The following KCNU1 variants were observed in gnomAD, a reference collection of about 807,000 sequenced individuals.
The protein encoded by KCNU1 is potassium calcium-activated channel subfamily U member 1.
In KCNU1, 93 loss-of-function variants were observed where a neutral mutation model predicts 126.8. The observed-to-expected ratio is 0.73, with a 90% CI of 0.62 to 0.87. The LOEUF (loss-of-function observed/expected upper bound fraction) is 0.87. Among genes scored for constraint, KCNU1 ranks in the 40% least tolerant of loss-of-function variants. The pLI is 0.00. For missense variants in KCNU1, 1,330 were observed against 1,367.1 expected (o/e 0.97, Z 0.43); for synonymous variants, 523 against 494.2 (o/e 1.06, Z -0.77).
chr8:36,931,653 A>C (rs1238699322), intron 25 of KCNU1, among the ~76,000 whole-genome samples: 1 of 152,128 alleles, frequency 6.6e-6, no homozygotes, highest in East Asian at 1.9e-4. Flanking sequence ...AATCAGTGTC[A>C]GAGCAGGGAC....
chr8:36,850,132 T>TG (rs2117284944), intron 18 of KCNU1, among the ~76,000 whole-genome samples: 1 of 152,312 alleles, frequency 6.6e-6, no homozygotes, highest in East Asian at 1.9e-4. Context: ...AATATCTACT[T>TG]AGATCCTATT....
intron 22 of KCNU1, among the ~76,000 whole-genome samples, chr8:36,917,588 T>C (rs1412885392): frequency 6.6e-6 from 1 of 151,984 alleles, no homozygotes; most frequent in Non-Finnish European, 1.5e-5. Flanking sequence ...ACTCCTAGAC[T>C]CAAGCAGTCC....
rs374073634 is a variant in KCNU1, at chr8:36,836,788, A to T, written c.1366-5A>T. The T allele has an allele frequency of 8.3e-5, 134 of 1,613,446 alleles. No individual in the cohort carries two copies. Among genetic ancestry groups the T allele is most frequent in the Non-Finnish European group, 1.5e-5 (18 of 1,179,594 alleles). Reference sequence around the variant, plus strand: ...ATGTTTGACCTGCTTTGTGCTATGGAACAGGTTTATCTGCCAAAGATTCCC... The same window carrying T: ...ATGTTTGACCTGCTTTGTGCTATGGTACAGGTTTATCTGCCAAAGATTCCC... On this transcript the variant is annotated splice_polypyrimidine_tract_variant and splice_region_variant and intron_variant, in intron 13 of 26. Coordinates refer to ENST00000399881, the MANE Select transcript of KCNU1 (RefSeq NM_001031836.3).
At chr8:36,799,459 G>A (rs986882190) in intron 2 of KCNU1, among the ~76,000 whole-genome samples, 3 of 151,246 alleles carry the variant, frequency 2.0e-5, no homozygotes, top group Non-Finnish European at 4.4e-5. Context: ...TTTTTTGGGA[G>A]GGGGGGCAGG....
chr8:36,878,539 A>G (rs1439116975), intron 19 of KCNU1, among the ~76,000 whole-genome samples: 1 of 152,142 alleles, frequency 6.6e-6, no homozygotes, highest in Non-Finnish European at 1.5e-5. Context: ...AGAGTATCCA[A>G]CTGACTCAGC....
chr8:36,823,209 A>AAC (rs1186402420), intron 10 of KCNU1, among the ~76,000 whole-genome samples: 1 of 152,176 alleles, frequency 6.6e-6, no homozygotes, highest in African/African-American at 2.4e-5. Context: ...AGTAATGCCA[A>AAC]ACAGTACATG....
rs1320764612 is a variant in KCNU1 at position 36,807,414 on chromosome 8, C to T, written c.620C>T (p.Pro207Leu). 1 of 1,613,354 alleles carries T rather than the reference C, an allele frequency of 6.2e-7. No individual in the cohort carries two copies. Among genetic ancestry groups the T allele is most frequent in the Non-Finnish European group, 8.5e-7 (1 of 1,179,532 alleles). The change falls in exon 6 of 27, where the codon CCT becomes CTT. Residue 207 changes from proline (P) to leucine (L), a missense_variant. Around this residue, in one of 3 missense-constraint regions of KCNU1, gnomAD observed 247 missense variants for 255.4 expected, o/e 0.97. Coordinates refer to ENST00000399881, the MANE Select transcript of KCNU1 (RefSeq NM_001031836.3). ...AGAGCCTTGCGCCTGCTAGAACTCCCTCAAATCTTGCAAATTCTACGAGCC... is the reference window on the plus strand; with the variant it reads ...AGAGCCTTGCGCCTGCTAGAACTCCTTCAAATCTTGCAAATTCTACGAGCC... Reference protein sequence around the residue: ...FLRALRLLELPQILQILRAIK... With the variant: ...FLRALRLLELLQILQILRAIK...
intron 2 of KCNU1, among the ~76,000 whole-genome samples, chr8:36,789,833 A>C (rs1802841829): frequency 6.6e-6 from 1 of 152,236 alleles, no homozygotes; most frequent in South Asian, 2.1e-4. Context: ...GAGAGAATAG[A>C]ATTGCGGAGG....
At chr8:36,908,071 T>C (rs1197819439) in intron 20 of KCNU1, among the ~76,000 whole-genome samples, 1 of 152,154 alleles carries the variant, frequency 6.6e-6, no homozygotes, top group Non-Finnish European at 1.5e-5. Flanking sequence ...AGTACCAGAA[T>C]ACAAAATCAT....
rs544663217 is a variant in KCNU1 at position 36,838,587 on chromosome 8, T to C, written c.1518+1642T>C. Among the ~76,000 whole-genome samples the C allele has an allele frequency of 2.4e-3, 368 of 151,966 alleles. 3 individuals carry two copies. Among genetic ancestry groups the C allele is most frequent in the Non-Finnish European group, 3.9e-3 (266 of 67,948 alleles). On this transcript the variant is annotated intron_variant, in intron 14 of 26. Coordinates refer to ENST00000399881, the MANE Select transcript of KCNU1 (RefSeq NM_001031836.3). ...TGGCGTGAGCCTGTAGCCCCAGCAA[T>C]TGGGGAGGCTGAGGCAGGGGAGTTG...
chr8:36,894,908 G>T (rs770550417), intron 19 of KCNU1, among the ~76,000 whole-genome samples: 2 of 152,006 alleles, frequency 1.3e-5, no homozygotes, highest in Non-Finnish European at 2.9e-5. Context: ...AGTATTTTGT[G>T]AATAATATAT....
chr8:36,830,817 T>A (rs1233825448), intron 10 of KCNU1, among the ~76,000 whole-genome samples: 1 of 151,828 alleles, frequency 6.6e-6, no homozygotes, highest in Non-Finnish European at 1.5e-5. Flanking sequence ...TGCAGGTTAG[T>A]TGCATATGTA....
At chr8:36,894,947 G>A (rs927173597) in intron 19 of KCNU1, among the ~76,000 whole-genome samples, 23 of 152,094 alleles carry the variant, frequency 1.5e-4, no homozygotes, top group African/African-American at 5.6e-4. Flanking sequence ...TGAACCAGAA[G>A]TGTCAATGGT....
At chr8:36,864,691 C>T (rs1805846181) in intron 19 of KCNU1, among the ~76,000 whole-genome samples, 170 bp downstream of exon 19, 1 of 152,138 alleles carries the variant, frequency 6.6e-6, no homozygotes, top group African/African-American at 2.4e-5. Flanking sequence ...TTAAGCTAAT[C>T]AAATACACCT....
intron 18 of KCNU1, among the ~76,000 whole-genome samples, chr8:36,849,220 C>CA (rs146404976): frequency 5.3e-5 from 8 of 151,596 alleles, no homozygotes; most frequent in South Asian, 2.1e-4. Flanking sequence ...AAACGAAAAA[C>CA]AAAAAAAAGG....
At chr8:36,909,690 C>T (rs1246180924) in intron 21 of KCNU1, among the ~76,000 whole-genome samples, 155 bp downstream of exon 21, 2 of 152,152 alleles carry the variant, frequency 1.3e-5, no homozygotes, top group Non-Finnish European at 2.9e-5. Context: ...AATCTCAAAA[C>T]CACCCTATGG....
chr8:36,870,239 C>T (rs570095970), intron 19 of KCNU1, among the ~76,000 whole-genome samples: 1 of 152,276 alleles, frequency 6.6e-6, no homozygotes, highest in South Asian at 2.1e-4. Flanking sequence ...GTGCACTGGC[C>T]ATAAAGATGT....
intron 18 of KCNU1, among the ~76,000 whole-genome samples, chr8:36,854,173 G>T (rs946011870): frequency 1.2e-4 from 19 of 152,056 alleles, no homozygotes; most frequent in Non-Finnish European, 1.8e-4. Flanking sequence ...TTACATTTTT[G>T]ATTATGACAG....
chr8:36,850,787 A>G (rs1805314118), intron 18 of KCNU1, among the ~76,000 whole-genome samples: 1 of 152,110 alleles, frequency 6.6e-6, no homozygotes, highest in Non-Finnish European at 1.5e-5. Context: ...ATTTTTGTTT[A>G]TGGTAGAAGA....
Sources: gnomAD v4.1 joint callset for allele counts (sites outside exome capture counted in the v4.1 genomes callset) on GRCh38, gnomAD v4.1.1 for gene constraint, gnomAD v4.1.1 regional missense constraint, MANE v1.5 for transcripts, NCBI Gene and HGNC (gene_info 2026-07-23, HGNC 2026-07-21) for gene names.